Variants in ARID1A observed in about 807,000 individuals in gnomAD.
ARID1A encodes AT-rich interaction domain 1A.
ARID1A carries 20 observed loss-of-function variants against 212.6 expected under a neutral mutation model. The observed-to-expected ratio is 0.09, with a 90% confidence interval of 0.07 to 0.14. The LOEUF is 0.14. Among genes scored for constraint, ARID1A ranks in the 10% least tolerant of loss-of-function variants. The probability of loss-of-function intolerance (pLI) is 1.00; values close to 1 mark genes in which losing one functional copy is unlikely to be tolerated. For synonymous variants in ARID1A, 1,376 were observed against 1,222.1 expected (o/e 1.13, Z -2.63); for missense variants, 2,587 against 3,059.0 (o/e 0.85, Z 3.64).
chr1:26,772,742 C>G (rs916603170), intron 13 of ARID1A, 70 bp from the exon 14 acceptor site: 1 of 1,605,366 alleles, frequency 6.2e-7, no homozygotes, highest in Non-Finnish European at 8.5e-7. Flanking sequence ...GCCAGTGACT[C>G]CTGCGTGTCC....
chr1:26,757,716 G>T (rs2080955109), intron 4 of ARID1A, among the ~76,000 whole-genome samples: 1 of 151,604 alleles, frequency 6.6e-6, no homozygotes, highest in African/African-American at 2.4e-5. Flanking sequence ...CACCCAGGCT[G>T]GAATGCAGTG....
intron 7 of ARID1A, 23 bp from the exon 8 acceptor site, chr1:26,762,950 G>A (rs2124067238): frequency 6.4e-7 from 1 of 1,558,052 alleles, no homozygotes; most frequent in Non-Finnish European, 8.7e-7. Context: ...GACTAACCAA[G>A]TCTTGTCTTC....
At chr1:26,710,485 A>C (rs1175470968) in intron 1 of ARID1A, among the ~76,000 whole-genome samples, 2 of 135,478 alleles carry the variant, frequency 1.5e-5, no homozygotes, top group Non-Finnish European at 3.2e-5. Flanking sequence ...CAAAAAATAA[A>C]ATAATACATA....
intron 1 of ARID1A, among the ~76,000 whole-genome samples, chr1:26,704,842 G>A (rs1160593992): frequency 6.6e-6 from 1 of 150,806 alleles, no homozygotes; most frequent in East Asian, 1.9e-4. Context: ...CTGGGCAATG[G>A]AGCCAAGACC....
At chr1:26,765,901 C>A (rs2081035146) in intron 8 of ARID1A, 2 of 227,412 alleles carry the variant, frequency 8.8e-6, no homozygotes, top group Non-Finnish European at 1.7e-5. Flanking sequence ...GTTAGCTGGA[C>A]ATGGTGGTGC....
chr1:26,698,893 G>T (rs150436527), intron 1 of ARID1A, among the ~76,000 whole-genome samples: 1 of 152,102 alleles, frequency 6.6e-6, no homozygotes, highest in Non-Finnish European at 1.5e-5. Flanking sequence ...TTAGGTTCAA[G>T]CGGTCTGTTT....
At chr1:26,744,191 C>T (rs2080815231) in intron 4 of ARID1A, among the ~76,000 whole-genome samples, 1 of 152,224 alleles carries the variant, frequency 6.6e-6, no homozygotes, top group African/African-American at 2.4e-5. Context: ...ATCCGCTTCT[C>T]CATCTTAGTC....
intron 1 of ARID1A, among the ~76,000 whole-genome samples, chr1:26,717,859 T>C (rs533021112): frequency 8.8e-4 from 134 of 152,320 alleles, no homozygotes; most frequent in African/African-American, 2.9e-3. Flanking sequence ...TATACTAATA[T>C]CTGGGTGAAG....
intron 10 of ARID1A, among the ~76,000 whole-genome samples, chr1:26,767,030 C>T (rs1400843908): frequency 6.6e-6 from 1 of 152,150 alleles, no homozygotes; most frequent in Admixed American, 6.5e-5. Flanking sequence ...CTTGGCTTCC[C>T]TTAGGTTGGT....
intron 1 of ARID1A, among the ~76,000 whole-genome samples, chr1:26,707,660 A>G (rs755770146): frequency 1.3e-5 from 2 of 152,120 alleles, no homozygotes; most frequent in Non-Finnish European, 2.9e-5. Flanking sequence ...TGACTTTCAA[A>G]TGATGGCCAC....
At position 26,731,516 on chromosome 1, in the gene ARID1A, C is replaced by T. The variant is rs778345898; in HGVS notation, c.1715C>T (p.Thr572Met). 3.4e-5 allele frequency: 55 copies of T among 1,614,008 alleles called. No homozygotes were observed. Among genetic ancestry groups the T allele is most frequent in the East Asian group, 6.7e-5 (3 of 44,896 alleles). The change falls in exon 3 of 20, where the codon ACG becomes ATG. Residue 572 changes from threonine to methionine, a missense_variant. Around this residue, in one of 11 missense-constraint regions of ARID1A, gnomAD observed 674 missense variants for 813.4 expected, o/e 0.83. Coordinates refer to ENST00000324856, the MANE Select transcript of ARID1A (RefSeq NM_006015.6). ...QQQPQQPAPSTLSQQAAYPQP... is the reference protein window; with the variant it reads ...QQQPQQPAPSMLSQQAAYPQP... ...CAACCTCAGCAGCCAGCACCCTCGA[C>T]GCTCTCCCAGCAGGCTGCGTATCCT...
At chr1:26,740,999 A>G (rs1255357468) in intron 4 of ARID1A, among the ~76,000 whole-genome samples, 1 of 152,228 alleles carries the variant, frequency 6.6e-6, no homozygotes, top group Non-Finnish European at 1.5e-5. Context: ...ATTTCTGAAA[A>G]CAAATGTCCA....
chr1:26,772,279 C>G, intron 12 of ARID1A: 1 of 611,516 alleles, frequency 1.6e-6, no homozygotes, highest in South Asian at 2.1e-5. Context: ...GGCCACATCA[C>G]TCCTCTTTTC....
chr1:26,737,088 G>C lies in ARID1A; in HGVS notation c.1920+4296G>C, dbSNP rs1010200270. ...CATCCTGTATTTGACAGAGCATTTT[G>C]CCAATGCCCTCTACCTGTGCTTGCT... is the stretch of plus-strand genomic sequence containing the variant. On this transcript the variant is annotated intron_variant, in intron 4 of 19. Transcript: ENST00000324856. Among the ~76,000 whole-genome samples, 30 of 151,934 alleles carry C rather than the reference G, an allele frequency of 2.0e-4. 1 individual carries two copies. Among genetic ancestry groups the C allele is most frequent in the Non-Finnish European group, 1.0e-4 (7 of 67,974 alleles).
intron 1 of ARID1A, among the ~76,000 whole-genome samples, chr1:26,724,468 C>T (rs1338443963): frequency 3.9e-5 from 6 of 152,156 alleles, no homozygotes; most frequent in Non-Finnish European, 7.4e-5. Context: ...GCCACTGCCA[C>T]GGGTGGTACA....
At chr1:26,721,840 C>T (rs954051898) in intron 1 of ARID1A, among the ~76,000 whole-genome samples, 6 of 152,158 alleles carry the variant, frequency 3.9e-5, no homozygotes, top group Middle Eastern at 3.2e-3. Context: ...GTTTTTCTGG[C>T]ATGCCTCTTT....
At chr1:26,727,627 T>A (rs2080631002) in intron 1 of ARID1A, 1 of 152,228 alleles carries the variant, frequency 6.6e-6, no homozygotes, top group African/African-American at 2.4e-5. Context: ...CCTAGCCATT[T>A]GTGAAGCTTC....
intron 4 of ARID1A, among the ~76,000 whole-genome samples, chr1:26,738,647 C>A (rs1372984975): frequency 6.6e-6 from 1 of 152,146 alleles, no homozygotes; most frequent in Non-Finnish European, 1.5e-5. Flanking sequence ...CAGCCTCCGC[C>A]TCCCGGGTTC....
intron 19 of ARID1A, among the ~76,000 whole-genome samples, chr1:26,776,211 G>A (rs900809204): frequency 1.3e-5 from 2 of 151,490 alleles, no homozygotes; most frequent in South Asian, 2.1e-4. Context: ...TGAACAGTAG[G>A]GGCCTTTGTT....
Sources: gnomAD v4.1 joint callset for allele counts (sites outside exome capture counted in the v4.1 genomes callset) on GRCh38, gnomAD v4.1.1 for gene constraint, gnomAD v4.1.1 regional missense constraint, MANE v1.5 for transcripts, NCBI Gene and HGNC (gene_info 2026-07-23, HGNC 2026-07-21) for gene names.